The following SCN10A variants were observed in gnomAD, a reference collection of about 807,000 sequenced individuals.
The protein encoded by SCN10A is sodium channel protein type 10 subunit alpha.
In SCN10A, 162 loss-of-function variants were observed where a neutral mutation model predicts 170.7. The observed-to-expected ratio is 0.95, with a 90% CI of 0.84 to 1.08. The LOEUF is 1.08. Ranked by LOEUF, SCN10A falls within the 50% of genes least tolerant of loss-of-function variation. The pLI, the probability that SCN10A is intolerant of heterozygous loss-of-function variation, is 0.00. For missense variants in SCN10A, 2,527 were observed against 2,436.9 expected, an observed-to-expected ratio of 1.04 and a Z score of -0.78; for synonymous variants, 985 against 904.6, an observed-to-expected ratio of 1.09 and a Z score of -1.59.
At position 38,722,403 on chromosome 3, in the gene SCN10A, C is replaced by T. The variant is rs201588811; in HGVS notation, c.3362G>A (p.Arg1121His). The change falls in exon 20 of 28, where the codon CGC becomes CAC. Residue 1121 changes from arginine (R) to histidine (H), a missense_variant. Coordinates refer to ENST00000449082, the MANE Select transcript of SCN10A (RefSeq NM_006514.4). Reference sequence around the variant, plus strand: ...ATCCAGTTTGCAGCAGGGACAGTGGCGAATGCATCCTGTGGGGAGAGGTGA... The same window carrying T: ...ATCCAGTTTGCAGCAGGGACAGTGGTGAATGCATCCTGTGGGGAGAGGTGA... ...PDDCFTEGCI[R>H]HCPCCKLDTT... is the part of the protein sequence containing the mutation. 1.7e-5 allele frequency: 28 copies of T among 1,613,210 alleles called. No individual in the cohort carries two copies. Among genetic ancestry groups the T allele is most frequent in the East Asian group, 6.7e-5 (3 of 44,882 alleles).
At chr3:38,804,565 T>C (rs1343361683) in intron 1 of SCN10A, among the ~76,000 whole-genome samples, 2 of 152,274 alleles carry the variant, frequency 1.3e-5, no homozygotes, top group Non-Finnish European at 2.9e-5. Flanking sequence ...TAAATAAATA[T>C]TCAAGAAATC....
At chr3:38,718,954 C>A in intron 20 of SCN10A, 128 bp from the exon 21 acceptor site, 1 of 825,184 alleles carries the variant, frequency 1.2e-6, no homozygotes, top group Non-Finnish European at 1.9e-6. Context: ...GTCAGCTTGC[C>A]AGTAGCATTT....
intron 22 of SCN10A, 141 bp from the exon 23 acceptor site, chr3:38,712,586 A>G (rs1023157558): frequency 2.6e-6 from 2 of 764,046 alleles, no homozygotes; most frequent in Admixed American, 2.9e-5. Context: ...TAATTAGTGC[A>G]ATAATTCAGA....
chr3:38,761,308 C>G lies in SCN10A; in HGVS notation c.767G>C (p.Cys256Ser), dbSNP rs1310798272. 3 of 1,613,886 alleles carry G rather than the reference C, an allele frequency of 1.9e-6. No individual in the cohort carries two copies. In the East Asian group the frequency reaches 6.7e-5, roughly 36 times the overall value. The change falls in exon 7 of 28, where the codon TGC becomes TCC. Residue 256 changes from cysteine to serine, a missense_variant. Cys to Ser is a moderately radical substitution (Grantham distance 112). Coordinates refer to ENST00000449082, the MANE Select transcript of SCN10A (RefSeq NM_006514.4). ...LADVTILTIF[C>S]LSVFALVGLQ... ...CCCCACCAAGGCAAAAACACTTAGG[C>G]AGAAGATGGTGAGGATGGTCACATC... is the stretch of plus-strand genomic sequence containing the variant.
In SCN10A at chr3:38,732,806, G is replaced by C. The variant is rs138441634; in HGVS notation, c.2281-3905C>G. On this transcript the variant is annotated intron_variant, in intron 15 of 27. Coordinates refer to ENST00000449082, the MANE Select transcript of SCN10A (RefSeq NM_006514.4). The stretch of plus-strand genomic sequence containing the variant: ...GGCTATGTTGGTCAAGACAGTACAA[G>C]AAAGAGATTAGCTCAGGAAAGATTT... 2.4e-3 allele frequency among the ~76,000 whole-genome samples: 362 copies of C among 152,284 alleles called. 2 individuals are homozygous for C. Among genetic ancestry groups the C allele is most frequent in the African/African-American group, 7.7e-3 (321 of 41,562 alleles).
At chr3:38,755,678 C>A (rs2063795273) in intron 11 of SCN10A, 110 bp downstream of exon 11, 10 of 1,293,608 alleles carry the variant, frequency 7.7e-6, no homozygotes, top group Non-Finnish European at 1.1e-5. Context: ...TCCTTTTAGG[C>A]TCTATGCCTC....
At chr3:38,752,047 T>A (rs1238033559) in intron 12 of SCN10A, among the ~76,000 whole-genome samples, 172 bp downstream of exon 12, 3 of 151,540 alleles carry the variant, frequency 2.0e-5, no homozygotes, top group Non-Finnish European at 2.9e-5. Context: ...CAACTCAATC[T>A]CTCTCTCTCT....
At chr3:38,778,962 A>G (rs2126047804) in intron 4 of SCN10A, among the ~76,000 whole-genome samples, 1 of 152,208 alleles carries the variant, frequency 6.6e-6, no homozygotes, top group East Asian at 1.9e-4. Context: ...TTCAGTTAAT[A>G]CAAAATCTCC....
intron 1 of SCN10A, among the ~76,000 whole-genome samples, chr3:38,802,079 G>A (rs1463510351): frequency 1.3e-5 from 2 of 152,092 alleles, no homozygotes; most frequent in Admixed American, 1.3e-4. Context: ...TTCCAAGATA[G>A]AAACTTAGGA....
chr3:38,740,452 C>A (rs991970759), intron 14 of SCN10A, among the ~76,000 whole-genome samples: 6 of 152,194 alleles, frequency 3.9e-5, no homozygotes, highest in African/African-American at 7.2e-5. Context: ...ACAATGCATC[C>A]TTCTTATGGA....
chr3:38,700,891 CT>C (rs1400894780), intron 27 of SCN10A, among the ~76,000 whole-genome samples: 1 of 152,136 alleles, frequency 6.6e-6, no homozygotes, highest in African/African-American at 2.4e-5. Context: ...ATGATTTGGC[CT>C]TTATAGGGTC....
chr3:38,752,452 G>A lies in SCN10A; in HGVS notation c.1522C>T (p.Arg508Trp), dbSNP rs112774699. ...AGTGAGATATCTCGGCCAGGGGACC[G>A]GAAATGGAACACACTGCCATGACTA... ...RASHGSVFHF[R>W]SPGRDISLPE... The change falls in exon 12 of 28, where the codon CGG (arginine) becomes TGG (tryptophan). Residue 508 changes from arginine to tryptophan, a missense_variant. Transcript: ENST00000449082. 4.2e-5 allele frequency: 68 copies of A among 1,612,574 alleles called. No homozygotes were observed. The highest frequency in any genetic ancestry group is 2.4e-4 in the African/African-American group (18 of 74,978).
At chr3:38,807,666 T>A (rs1057024153) in intron 1 of SCN10A, among the ~76,000 whole-genome samples, 3 of 152,158 alleles carry the variant, frequency 2.0e-5, no homozygotes, top group Non-Finnish European at 4.4e-5. Flanking sequence ...TATAATCTCC[T>A]CTCATGGTCT....
At chr3:38,748,029 G>T (rs1386757319) in intron 13 of SCN10A, among the ~76,000 whole-genome samples, 1 of 152,118 alleles carries the variant, frequency 6.6e-6, no homozygotes, top group African/African-American at 2.4e-5. Context: ...CACAACAGGG[G>T]CTCAACAAAT....
chr3:38,721,917 G>T (rs938189661), intron 20 of SCN10A, among the ~76,000 whole-genome samples: 4 of 152,342 alleles, frequency 2.6e-5, no homozygotes, highest in Admixed American at 1.3e-4. Context: ...TTAAATAAGG[G>T]CAAAGCTGGG....
chr3:38,774,938 G>A (rs188444642), intron 4 of SCN10A, among the ~76,000 whole-genome samples: 25 of 152,248 alleles, frequency 1.6e-4, no homozygotes, highest in African/African-American at 5.1e-4. Flanking sequence ...GCTGCGTTCC[G>A]TGAATAAGGT....
chr3:38,745,598 C>A (rs2063677731), intron 13 of SCN10A, among the ~76,000 whole-genome samples: 1 of 152,116 alleles, frequency 6.6e-6, no homozygotes, highest in Non-Finnish European at 1.5e-5. Flanking sequence ...TGTCTGTACA[C>A]CATATCTCCA....
intron 1 of SCN10A, among the ~76,000 whole-genome samples, chr3:38,800,682 T>C (rs551790962): frequency 2.0e-4 from 30 of 152,218 alleles, no homozygotes; most frequent in African/African-American, 7.0e-4. Flanking sequence ...ACTTCCTGCC[T>C]TTTGTTGTCA....
intron 5 of SCN10A, among the ~76,000 whole-genome samples, chr3:38,767,674 G>A (rs1355098049): frequency 1.3e-5 from 2 of 152,074 alleles, no homozygotes; most frequent in Non-Finnish European, 2.9e-5. Context: ...GTCTATCTTA[G>A]AGAATATTCC....
Sources: allele counts gnomAD v4.1 joint callset (sites outside exome capture counted in the v4.1 genomes callset), GRCh38; gene constraint gnomAD v4.1.1; transcripts MANE v1.5; gene names NCBI Gene and HGNC (gene_info 2026-07-23, HGNC 2026-07-21).